The following PPP1R42 variants were observed in gnomAD, a reference collection of about 807,000 sequenced individuals.
PPP1R42 encodes protein phosphatase 1 regulatory subunit 42.
PPP1R42 carries 34 observed loss-of-function variants against 31.0 expected under a neutral mutation model. The observed-to-expected ratio is 1.10, with a 90% CI of 0.83 to 1.46. The LOEUF (loss-of-function observed/expected upper bound fraction) is 1.46. PPP1R42 is among the 40% of genes most tolerant of loss of function. PPP1R42 has a pLI of 0.00. For synonymous variants in PPP1R42, 103 were observed against 109.8 expected (o/e 0.94, Z 0.39); for missense variants, 268 against 303.0 (o/e 0.88, Z 0.86).
intron 6 of PPP1R42, 148 bp downstream of exon 6, chr8:66,988,252 T>G (rs899590075): frequency 7.9e-7 from 1 of 1,264,486 alleles, no homozygotes. Flanking sequence ...ATTTTAACTT[T>G]TGCTCTTATT....
intron 2 of PPP1R42, 142 bp downstream of exon 2, chr8:67,017,477 G>C (rs1816049735): frequency 2.5e-6 from 1 of 405,954 alleles, no homozygotes; most frequent in Non-Finnish European, 4.1e-6. Flanking sequence ...CTGGGCAACA[G>C]ACGGAGAGAG....
chr8:67,025,969 C>A lies in PPP1R42; in HGVS notation c.-85+2522G>T, dbSNP rs1488334325. On this transcript the variant is annotated intron_variant, in intron 1 of 7. Coordinates refer to ENST00000685739, the MANE Select transcript of PPP1R42 (RefSeq NM_001364910.1). ...GCAGTGAGCCCAGATCGCACCACTA[C>A]GCTCCAGCCTGGGCGATAGAGTGAG... Among the ~76,000 whole-genome samples, 5 of 147,418 alleles carry A rather than the reference C, an allele frequency of 3.4e-5. No individual in the cohort carries two copies. In the Admixed American group the frequency reaches 3.4e-4, roughly 10 times the overall value.
At chr8:66,985,760 T>C (rs1814989514) in intron 6 of PPP1R42, 4 of 1,251,642 alleles carry the variant, frequency 3.2e-6, no homozygotes, top group African/African-American at 1.5e-5. Context: ...AGCTGTTTTT[T>C]CCTCTCCTGG....
chr8:67,020,265 C>T (rs748106899), intron 1 of PPP1R42, among the ~76,000 whole-genome samples: 1 of 152,006 alleles, frequency 6.6e-6, no homozygotes, highest in East Asian at 1.9e-4. Context: ...TGCAATGGCG[C>T]GATCTCGGCT....
chr8:67,018,258 A>G (rs945095547), intron 1 of PPP1R42, among the ~76,000 whole-genome samples: 2 of 122,296 alleles, frequency 1.6e-5, no homozygotes, highest in Non-Finnish European at 3.4e-5. Flanking sequence ...CTGGGATTAC[A>G]GGAGCGTGCT....
intron 5 of PPP1R42, among the ~76,000 whole-genome samples, chr8:67,008,334 G>A (rs962928683): frequency 6.6e-6 from 1 of 152,132 alleles, no homozygotes; most frequent in Admixed American, 6.6e-5. Flanking sequence ...TGGGACTACT[G>A]TAAATATTTT....
intron 6 of PPP1R42, chr8:66,985,549 G>A: frequency 1.5e-6 from 2 of 1,319,988 alleles, no homozygotes; most frequent in Non-Finnish European, 1.1e-6. Context: ...CACCATGTTG[G>A]CATTGCTGAT....
intron 5 of PPP1R42, among the ~76,000 whole-genome samples, chr8:66,993,562 C>A (rs1296746241): frequency 6.6e-6 from 1 of 152,178 alleles, no homozygotes; most frequent in Non-Finnish European, 1.5e-5. Flanking sequence ...TCTCAGAGCT[C>A]AGCTATCCCT....
At chr8:67,012,008 C>G (rs996075011) in intron 4 of PPP1R42, among the ~76,000 whole-genome samples, 1 of 152,062 alleles carries the variant, frequency 6.6e-6, no homozygotes, top group South Asian at 2.1e-4. Context: ...CGGTGGCTCA[C>G]GACTGTAATC....
At chr8:66,977,818 A>T (rs1388243125) in intron 7 of PPP1R42, among the ~76,000 whole-genome samples, 1 of 151,948 alleles carries the variant, frequency 6.6e-6, no homozygotes, top group Admixed American at 6.6e-5. Flanking sequence ...TAATTTTAAA[A>T]ATAATGTTTT....
chr8:66,999,774 G>A (rs919946966), intron 5 of PPP1R42, among the ~76,000 whole-genome samples: 2 of 152,160 alleles, frequency 1.3e-5, no homozygotes, highest in African/African-American at 4.8e-5. Context: ...GTTTTTATTT[G>A]TGAAATATGA....
chr8:67,015,106 C>A (rs973434763), intron 2 of PPP1R42, among the ~76,000 whole-genome samples: 1 of 152,122 alleles, frequency 6.6e-6, no homozygotes. Flanking sequence ...ATAACCTCCG[C>A]CTCCTGGGTT....
intron 7 of PPP1R42, among the ~76,000 whole-genome samples, chr8:66,981,496 C>T (rs548754100): frequency 1.1e-3 from 174 of 151,950 alleles, no homozygotes; most frequent in African/African-American, 3.9e-3. Flanking sequence ...TCTCCTGCCT[C>T]AGCCTCCCAA....
intron 5 of PPP1R42, among the ~76,000 whole-genome samples, chr8:67,005,019 G>C (rs1027462763): frequency 6.6e-6 from 1 of 151,778 alleles, no homozygotes; most frequent in Admixed American, 6.6e-5. Flanking sequence ...GCAGGGTTTT[G>C]AGAGTAGAGC....
intron 1 of PPP1R42, among the ~76,000 whole-genome samples, chr8:67,020,390 G>A (rs1816177953): frequency 6.6e-6 from 1 of 151,990 alleles, no homozygotes; most frequent in African/African-American, 2.4e-5. Flanking sequence ...TAGTAGAGAC[G>A]GGGTTTCACC....
At chr8:66,993,569 C>T (rs765436043) in intron 5 of PPP1R42, among the ~76,000 whole-genome samples, 51 of 152,152 alleles carry the variant, frequency 3.4e-4, no homozygotes, top group Non-Finnish European at 6.6e-4. Context: ...GCTCAGCTAT[C>T]CCTTTCTTAG....
chr8:67,015,683 A>C (rs6987624), intron 2 of PPP1R42, among the ~76,000 whole-genome samples: 18,541 of 150,426 alleles, frequency 0.12, 2,231 homozygotes, highest in African/African-American at 0.31. Context: ...CCTAGCCTCT[A>C]GAGTAGCTGG....
At chr8:66,996,240 T>C (rs533712616) in intron 5 of PPP1R42, among the ~76,000 whole-genome samples, 3 of 152,174 alleles carry the variant, frequency 2.0e-5, no homozygotes, top group South Asian at 4.1e-4. Flanking sequence ...TTTGTAGAGA[T>C]AGGGTTTCAC....
At chr8:67,012,154 T>C (rs1815861163) in intron 4 of PPP1R42, among the ~76,000 whole-genome samples, 1 of 152,170 alleles carries the variant, frequency 6.6e-6, no homozygotes, top group Admixed American at 6.5e-5. Context: ...AAGAATTGCT[T>C]GAACCGGGGA....
Sources: gnomAD v4.1 joint callset for allele counts (sites outside exome capture counted in the v4.1 genomes callset) on GRCh38, gnomAD v4.1.1 for gene constraint, MANE v1.5 for transcripts, NCBI Gene and HGNC (gene_info 2026-07-23, HGNC 2026-07-21) for gene names.